VRK2: variants seen among roughly 807,000 people sequenced by gnomAD.
The protein encoded by VRK2 is VRK serine/threonine kinase 2.
Under a neutral mutation model 57.6 loss-of-function variants are expected in VRK2, and 60 were observed. The observed-to-expected ratio is 1.04, with a 90% CI of 0.85 to 1.29. The LOEUF (loss-of-function observed/expected upper bound fraction) is 1.29, where lower values mean the gene tolerates loss of function less well. Among genes scored for constraint, VRK2 ranks in the 50% most tolerant of loss-of-function variants. The pLI is 0.00. For synonymous variants in VRK2, 231 were observed against 199.2 expected, an observed-to-expected ratio of 1.16 and a Z score of -1.35; for missense variants, 705 against 588.1, an observed-to-expected ratio of 1.20 and a Z score of -2.06.
At chr2:58,104,660 T>C (rs2104370491) in intron 7 of VRK2, among the ~76,000 whole-genome samples, 1 of 151,914 alleles carries the variant, frequency 6.6e-6, no homozygotes, top group East Asian at 1.9e-4. Flanking sequence ...TTCAGTGCAA[T>C]CTCTATCCAA....
intron 3 of VRK2, among the ~76,000 whole-genome samples, chr2:58,036,415 A>G (rs1674275020): frequency 6.6e-6 from 1 of 152,042 alleles, no homozygotes; most frequent in African/African-American, 2.4e-5. Flanking sequence ...CATATCATTA[A>G]TTTCATTTCA....
At chr2:57,937,753 T>G (rs1387337346) in intron 1 of VRK2, among the ~76,000 whole-genome samples, 1 of 152,154 alleles carries the variant, frequency 6.6e-6, no homozygotes, top group Non-Finnish European at 1.5e-5. Context: ...CAAATCACTT[T>G]TGGTAACTTC....
intron 1 of VRK2, among the ~76,000 whole-genome samples, chr2:57,954,147 T>C (rs1671511037): frequency 6.6e-6 from 1 of 152,174 alleles, no homozygotes; most frequent in Non-Finnish European, 1.5e-5. Context: ...TTTGAGGGTT[T>C]ATGAAAAGTT....
At chr2:58,041,008 C>T (rs990373947) in intron 3 of VRK2, 10 of 983,184 alleles carry the variant, frequency 1.0e-5, no homozygotes, top group African/African-American at 8.7e-5. Flanking sequence ...AAAAATCATT[C>T]GGCCAGCTCC....
chr2:58,064,346 G>A (rs1406101969), intron 2 of VRK2, among the ~76,000 whole-genome samples: 3 of 152,004 alleles, frequency 2.0e-5, no homozygotes, highest in African/African-American at 4.8e-5. Context: ...TTTAGAAATT[G>A]CCACAGTCAC....
rs1163418826 is a variant in VRK2, at chr2:58,088,401, T to A, written c.405T>A (p.Asn135Lys). Reference sequence around the variant, plus strand: ...ATTTACAGAAGATCTCAGGCCAGAATGGTACCTTTAAAAAGTCAACTGTCC... The same window carrying A: ...ATTTACAGAAGATCTCAGGCCAGAAAGGTACCTTTAAAAAGTCAACTGTCC... ...GIDLQKISGQ[N>K]GTFKKSTVLQ... Residue 135 changes from asparagine (N) to lysine (K), a missense_variant, in exon 6 of 13, where the codon AAT becomes AAA. Transcript: ENST00000340157. The A allele has an allele frequency of 6.2e-7, 1 of 1,613,504 alleles. No homozygotes were observed. Among genetic ancestry groups the A allele is most frequent in the Non-Finnish European group, 8.5e-7 (1 of 1,179,742 alleles).
At chr2:58,118,689 G>A (rs1402812471) in intron 7 of VRK2, among the ~76,000 whole-genome samples, 1 of 152,224 alleles carries the variant, frequency 6.6e-6, no homozygotes, top group East Asian at 1.9e-4. Context: ...TCCGAGTCAT[G>A]GCACCAAATT....
At chr2:58,102,595 C>T (rs772247464) in intron 7 of VRK2, among the ~76,000 whole-genome samples, 2 of 150,884 alleles carry the variant, frequency 1.3e-5, no homozygotes, top group East Asian at 1.9e-4. Context: ...TCAGGAGCAG[C>T]CAGATTCATA....
intron 7 of VRK2, among the ~76,000 whole-genome samples, chr2:58,116,260 G>A (rs71206884): frequency 2.0e-5 from 3 of 152,058 alleles, no homozygotes; most frequent in Non-Finnish European, 4.4e-5. Flanking sequence ...TCTTATACTT[G>A]TGGGTTAAGG....
intron 1 of VRK2, among the ~76,000 whole-genome samples, chr2:58,009,207 A>G (rs538468870): frequency 5.9e-5 from 9 of 152,244 alleles, no homozygotes; most frequent in African/African-American, 2.2e-4. Context: ...CATTTCTTGT[A>G]CTGAAAAAAC....
chr2:57,931,135 AT>A (rs961535349), intron 1 of VRK2, among the ~76,000 whole-genome samples: 73 of 151,560 alleles, frequency 4.8e-4, no homozygotes, highest in African/African-American at 1.6e-3. Flanking sequence ...CAGGATAGTG[AT>A]TTTTTTTTGT....
chr2:58,060,472 T>G (rs1677161830), intron 2 of VRK2, among the ~76,000 whole-genome samples: 1 of 151,648 alleles, frequency 6.6e-6, no homozygotes, highest in Non-Finnish European at 1.5e-5. Context: ...TATTGGCACA[T>G]GGATAGAGGC....
chr2:57,913,697 T>C (rs909024231), intron 1 of VRK2, among the ~76,000 whole-genome samples: 69 of 152,278 alleles, frequency 4.5e-4, no homozygotes, highest in African/African-American at 1.5e-3. Context: ...TATAATAATA[T>C]TAGGATATTT....
In VRK2 at chr2:58,159,571, G is replaced by C. The variant is rs1684746208; in HGVS notation, c.1405G>C (p.Gly469Arg). ...GATCACAGACTTAGAAAGTTCAACT[G>C]GACTTTGGCCTACAATTTCCCAGTT... Reference protein sequence around the residue: ...TGITDLESSTGLWPTISQFTL... With the variant: ...TGITDLESSTRLWPTISQFTL... The change falls in exon 13 of 13, where the codon GGA becomes CGA. Residue 469 changes from glycine to arginine, a missense_variant. By Grantham distance (125) the Gly-to-Arg change is moderately radical (BLOSUM62 -2). Transcript: ENST00000340157. 2 of 1,613,692 alleles carry C rather than the reference G, an allele frequency of 1.2e-6. No individual in the cohort carries two copies. The highest frequency in any genetic ancestry group is 3.3e-5 in the Admixed American group (2 of 59,972).
intron 2 of VRK2, among the ~76,000 whole-genome samples, chr2:58,076,368 C>T (rs1381864685): frequency 1.3e-5 from 2 of 151,976 alleles, no homozygotes; most frequent in Non-Finnish European, 2.9e-5. Context: ...AATCATCTAA[C>T]ACAAAGCCTA....
At chr2:58,056,113 G>A (rs896989606) in intron 2 of VRK2, among the ~76,000 whole-genome samples, 4 of 150,808 alleles carry the variant, frequency 2.7e-5, no homozygotes, top group African/African-American at 9.8e-5. Flanking sequence ...AAGAGGGCAC[G>A]CTTCCTTCTG....
At chr2:57,992,772 A>C (rs934448472) in intron 1 of VRK2, among the ~76,000 whole-genome samples, 14 of 151,546 alleles carry the variant, frequency 9.2e-5, no homozygotes, top group African/African-American at 3.2e-4. Flanking sequence ...TCCTGACCTC[A>C]TGATCCAGCC....
At chr2:58,079,020 G>A (rs1421164358) in intron 2 of VRK2, among the ~76,000 whole-genome samples, 1 of 152,030 alleles carries the variant, frequency 6.6e-6, no homozygotes, top group Non-Finnish European at 1.5e-5. Flanking sequence ...TGGGTTATAG[G>A]AGTTATTTAT....
At chr2:58,047,600 A>T (rs1483060133) in intron 1 of VRK2, 1 of 357,490 alleles carries the variant, frequency 2.8e-6, no homozygotes, top group Non-Finnish European at 3.9e-6. Flanking sequence ...TGGAGACTTT[A>T]AGTTTTAAAT....
Sources: allele counts gnomAD v4.1 joint callset (sites outside exome capture counted in the v4.1 genomes callset), GRCh38; gene constraint gnomAD v4.1.1; transcripts MANE v1.5; gene names NCBI Gene and HGNC (gene_info 2026-07-23, HGNC 2026-07-21).